NRG1: variants seen among roughly 807,000 people sequenced by gnomAD.
The protein encoded by NRG1 is neuregulin 1.
Under a neutral mutation model 63.8 loss-of-function variants are expected in NRG1, and 18 were observed. That is an observed-to-expected ratio of 0.28 (90% CI 0.19 to 0.42). The LOEUF is 0.42. Among genes scored for constraint, NRG1 ranks in the 10% least tolerant of loss-of-function variants. NRG1 has a pLI of 1.00. For synonymous variants in NRG1, 302 were observed against 301.3 expected (o/e 1.00, Z -0.02); for missense variants, 762 against 814.7 (o/e 0.94, Z 0.79).
intron 1 of NRG1, among the ~76,000 whole-genome samples, chr8:32,289,755 A>G (rs560345656): frequency 1.3e-5 from 2 of 152,190 alleles, no homozygotes; most frequent in Non-Finnish European, 2.9e-5. Context: ...TAGCTCATCA[A>G]TTAGATACTT....
chr8:32,680,066 T>C (rs1808195853), intron 5 of NRG1, among the ~76,000 whole-genome samples: 1 of 152,242 alleles, frequency 6.6e-6, no homozygotes, highest in Non-Finnish European at 1.5e-5. Context: ...TCTTCATTGC[T>C]TTTAACTATG....
chr8:31,640,546 T>C lies in NRG1; in HGVS notation c.37+1115T>C, dbSNP rs1200325408. 3 of 1,611,800 alleles carry C rather than the reference T, an allele frequency of 1.9e-6. No individual in the cohort carries two copies. The highest frequency in any genetic ancestry group is 2.5e-6 in the Non-Finnish European group (3 of 1,179,408). On this transcript the variant is annotated intron_variant, in intron 1 of 10. Transcript: ENST00000519301. The surrounding 1 kb of genome is among the most constrained non-coding windows in gnomAD (Gnocchi z 6.3). ...GCTGCTCACCGTGCGCCTGGGGACC[T>C]GGGGCCACCCCGCCTTCCCCTCCTG...
exon 3 of NRG1, chr8:32,605,595 G>A (rs1219491280): frequency 1.2e-6 from 2 of 1,613,424 alleles, no homozygotes; most frequent in African/African-American, 1.3e-5. Flanking sequence ...AAGCATCACT[G>A]GCTGATTCTG....
intron 1 of NRG1, among the ~76,000 whole-genome samples, chr8:31,768,336 G>A (rs1818280528): frequency 2.0e-5 from 3 of 152,216 alleles, no homozygotes; most frequent in Non-Finnish European, 4.4e-5. Context: ...CAGACCTGCA[G>A]TTTACACAAC....
intron 5 of NRG1, among the ~76,000 whole-genome samples, chr8:32,689,333 T>C (rs1810996495): frequency 6.6e-6 from 1 of 151,898 alleles, no homozygotes. Flanking sequence ...GGACTCTTGT[T>C]TCTTCATAAA....
intron 1 of NRG1, among the ~76,000 whole-genome samples, chr8:31,850,647 G>A (rs1827123153): frequency 6.6e-6 from 1 of 152,146 alleles, no homozygotes; most frequent in Non-Finnish European, 1.5e-5. Flanking sequence ...AGCCAGAGCT[G>A]TATAGGGATT....
intron 5 of NRG1, among the ~76,000 whole-genome samples, chr8:32,624,000 T>A (rs1288025661): frequency 6.6e-6 from 1 of 152,212 alleles, no homozygotes; most frequent in Non-Finnish European, 1.5e-5. Flanking sequence ...TAGATATAGA[T>A]CATTGATACT....
intron 1 of NRG1, among the ~76,000 whole-genome samples, chr8:32,482,796 G>T (rs962311558): frequency 1.2e-4 from 18 of 152,204 alleles, no homozygotes; most frequent in Admixed American, 6.5e-5. Context: ...TGGGGGAAGA[G>T]GGTGGGAACA....
intron 1 of NRG1, among the ~76,000 whole-genome samples, chr8:32,204,911 G>A (rs1344237659): frequency 2.0e-5 from 3 of 152,124 alleles, no homozygotes; most frequent in Non-Finnish European, 4.4e-5. Flanking sequence ...CATATCTATA[G>A]CAATGATCAC....
chr8:31,974,220 C>T (rs1807788681), intron 1 of NRG1, among the ~76,000 whole-genome samples: 1 of 152,146 alleles, frequency 6.6e-6, no homozygotes. Context: ...GGCTGGTGTG[C>T]CATGATCCTA....
chr8:32,085,494 A>G (rs1035632380), intron 1 of NRG1, among the ~76,000 whole-genome samples: 1 of 152,194 alleles, frequency 6.6e-6, no homozygotes, highest in African/African-American at 2.4e-5. Context: ...CATGAATGCT[A>G]TCTTGTCAAT....
At chr8:32,564,909 CA>C (rs1224087344) in intron 1 of NRG1, among the ~76,000 whole-genome samples, 17 of 147,380 alleles carry the variant, frequency 1.2e-4, no homozygotes, top group Middle Eastern at 3.4e-3. Flanking sequence ...TCCCCACTAC[CA>C]AAAAAAAAAG....
At chr8:31,982,876 G>A (rs1389529118) in intron 1 of NRG1, among the ~76,000 whole-genome samples, 1 of 152,030 alleles carries the variant, frequency 6.6e-6, no homozygotes, top group Non-Finnish European at 1.5e-5. Context: ...GCTTATTTTG[G>A]GCATGGCAAT....
Position 32,322,133 on chromosome 8 carries a change from A to G in NRG1, c.38-273695A>G, listed in dbSNP as rs75978193. Among the ~76,000 whole-genome samples the G allele has an allele frequency of 2.5e-3, 376 of 152,138 alleles. 3 individuals carry two copies. Among genetic ancestry groups the G allele is most frequent in the African/African-American group, 8.8e-3 (364 of 41,510 alleles). On this transcript the variant is annotated intron_variant, in intron 1 of 10. Coordinates refer to the NRG1 transcript ENST00000519301. ...TTCCAGTCTGTAGTGCACAGTGATC[A>G]TGCCTGTGAATGGCCACTGTACTCC...
intron 1 of NRG1, among the ~76,000 whole-genome samples, chr8:31,779,064 C>T (rs769175639): frequency 3.3e-5 from 5 of 152,164 alleles, no homozygotes; most frequent in African/African-American, 1.2e-4. Flanking sequence ...TGTTGGTACT[C>T]TTCAGGGACA....
intron 1 of NRG1, among the ~76,000 whole-genome samples, chr8:31,917,554 C>T (rs1221860631): frequency 6.6e-6 from 1 of 151,790 alleles, no homozygotes; most frequent in Admixed American, 6.6e-5. Flanking sequence ...TGTTCTGTTC[C>T]ATTGGTCTAT....
At chr8:31,800,910 G>T (rs1271750726) in intron 1 of NRG1, among the ~76,000 whole-genome samples, 3 of 136,598 alleles carry the variant, frequency 2.2e-5, no homozygotes, top group African/African-American at 8.2e-5. Context: ...GTGCGATCTC[G>T]GTTCACTGCA....
At chr8:31,656,887 A>G (rs1184944536) in intron 1 of NRG1, among the ~76,000 whole-genome samples, 1 of 152,216 alleles carries the variant, frequency 6.6e-6, no homozygotes, top group African/African-American at 2.4e-5. Flanking sequence ...ACATCTATCA[A>G]TCTAATTTAG....
chr8:32,575,527 C>T (rs1839465103), intron 1 of NRG1, among the ~76,000 whole-genome samples: 1 of 151,748 alleles, frequency 6.6e-6, no homozygotes, highest in Non-Finnish European at 1.5e-5. Flanking sequence ...TTTAGGACTG[C>T]TCAACTGCAT....
Sources: allele counts gnomAD v4.1 joint callset (sites outside exome capture counted in the v4.1 genomes callset), GRCh38; gene constraint gnomAD v4.1.1; non-coding constraint Gnocchi (gnomAD v3.1); transcripts MANE v1.5; gene names NCBI Gene and HGNC (gene_info 2026-07-23, HGNC 2026-07-21).